Variants in NTRK2 observed in about 807,000 individuals in gnomAD.
NTRK2 encodes neurotrophic receptor tyrosine kinase 2, also known as BDNF/NT-3 growth factors receptor.
In NTRK2, 13 loss-of-function variants were observed where a neutral mutation model predicts 94.5. The observed-to-expected ratio is 0.14, with a 90% CI of 0.09 to 0.22. The LOEUF (loss-of-function observed/expected upper bound fraction) is 0.22, where lower values mean the gene tolerates loss of function less well. NTRK2 is among the 10% of genes least tolerant of loss of function. The pLI is 1.00. For synonymous variants in NTRK2, 372 were observed against 407.4 expected (o/e 0.91, Z 1.05); for missense variants, 639 against 1,071.2 (o/e 0.60, Z 5.63).
chr9:84,852,434 C>T (rs2074822250), intron 12 of NTRK2, among the ~76,000 whole-genome samples: 1 of 152,182 alleles, frequency 6.6e-6, no homozygotes, highest in Non-Finnish European at 1.5e-5. Flanking sequence ...GCATTTTGAG[C>T]TCTCACTGGG....
intron 17 of NTRK2, among the ~76,000 whole-genome samples, chr9:84,977,863 A>T (rs1462513833): frequency 6.6e-6 from 1 of 152,196 alleles, no homozygotes; most frequent in South Asian, 2.1e-4. Flanking sequence ...AACTCATGCA[A>T]AATCTCAAAC....
At chr9:84,814,379 T>A in intron 12 of NTRK2, 1 of 1,065,754 alleles carries the variant, frequency 9.4e-7, no homozygotes, top group South Asian at 4.5e-5. Flanking sequence ...GAGAGCATAA[T>A]GGAGGGAAGC....
chr9:84,760,461 G>A (rs543987591), intron 12 of NTRK2, among the ~76,000 whole-genome samples: 16 of 152,230 alleles, frequency 1.1e-4, no homozygotes, highest in Admixed American at 2.0e-4. Flanking sequence ...GTGTTTCCAG[G>A]TTTATTAGTT....
chr9:84,885,311 C>A (rs2076379332), intron 14 of NTRK2, among the ~76,000 whole-genome samples: 1 of 152,182 alleles, frequency 6.6e-6, no homozygotes, highest in Non-Finnish European at 1.5e-5. Flanking sequence ...CTAAAAGAAT[C>A]AAGTGCTAAA....
At chr9:84,731,714 C>T (rs1183698324) in intron 9 of NTRK2, among the ~76,000 whole-genome samples, 1 of 152,008 alleles carries the variant, frequency 6.6e-6, no homozygotes, top group Admixed American at 6.6e-5. Flanking sequence ...TGGGGAAGTT[C>T]GACCTCAAGA....
At chr9:84,976,797 A>G (rs569521766) in intron 17 of NTRK2, among the ~76,000 whole-genome samples, 26 of 152,192 alleles carry the variant, frequency 1.7e-4, no homozygotes, top group Non-Finnish European at 3.5e-4. Flanking sequence ...ACTTTTGTCC[A>G]TTGTAAATGT....
chr9:84,793,772 A>G (rs2068974807), intron 12 of NTRK2, among the ~76,000 whole-genome samples: 1 of 152,230 alleles, frequency 6.6e-6, no homozygotes, highest in Non-Finnish European at 1.5e-5. Flanking sequence ...AGAAATGACT[A>G]TAAGACAGGG....
intron 12 of NTRK2, among the ~76,000 whole-genome samples, chr9:84,849,275 C>T (rs2074631596): frequency 6.6e-6 from 1 of 152,156 alleles, no homozygotes; most frequent in African/African-American, 2.4e-5. Context: ...TCATAGTTCA[C>T]TGTGGCAGGA....
intron 13 of NTRK2, 141 bp downstream of exon 13, chr9:84,861,228 G>A (rs2075325615): frequency 1.5e-6 from 1 of 687,456 alleles, no homozygotes; most frequent in East Asian, 2.8e-5. Context: ...TGAAGAAGTA[G>A]GTCTAGAATT....
chr9:84,935,851 G>C lies in NTRK2; in HGVS notation c.1764+1559G>C, dbSNP rs77824302. On this transcript the variant is annotated intron_variant, in intron 15 of 18. Coordinates refer to ENST00000277120, the MANE Select transcript of NTRK2 (RefSeq NM_006180.6). ...CTGCAGTCTCTGTTTTCTTCTTACT[G>C]TATCTTTTTTTTCCCCCTTTTGGTT... Among the ~76,000 whole-genome samples, 202 of 152,252 alleles carry C rather than the reference G, an allele frequency of 1.3e-3. 2 individuals carry two copies. Among genetic ancestry groups the C allele is most frequent in the African/African-American group, 4.8e-3 (200 of 41,570 alleles).
chr9:84,722,459 G>C (rs965512836), intron 6 of NTRK2, among the ~76,000 whole-genome samples: 12 of 152,046 alleles, frequency 7.9e-5, no homozygotes, highest in African/African-American at 2.9e-4. Flanking sequence ...CAGGTGGGTG[G>C]GTTAATTGCA....
At chr9:84,939,690 T>C (rs12348710) in intron 15 of NTRK2, among the ~76,000 whole-genome samples, 19,182 of 152,152 alleles carry the variant, frequency 0.13, 1,434 homozygotes, top group East Asian at 0.23. Flanking sequence ...AACAATATCA[T>C]GTTCACTGGA....
At chr9:84,975,836 A>G (rs1367366655) in intron 17 of NTRK2, among the ~76,000 whole-genome samples, 1 of 152,188 alleles carries the variant, frequency 6.6e-6, no homozygotes, top group Non-Finnish European at 1.5e-5. Context: ...TGTGAATACA[A>G]TAGAAACAGA....
chr9:84,997,682 C>G (rs1454916745), intron 17 of NTRK2, among the ~76,000 whole-genome samples: 1 of 152,156 alleles, frequency 6.6e-6, no homozygotes, highest in African/African-American at 2.4e-5. Context: ...GTCAGCCTGC[C>G]ATGGAGGCTG....
rs527553397 is a variant in NTRK2, at chr9:84,970,112, C to T, written c.2172+14595C>T. 8.4e-4 allele frequency among the ~76,000 whole-genome samples: 128 copies of T among 152,256 alleles called. 1 individual carries two copies. The highest frequency in any genetic ancestry group is 3.0e-3 in the African/African-American group (123 of 41,550). ...AACTTTTAAATGGCAATAATAGGGC[C>T]GGGCATGGTGGTTCATGCCTGTAAT... is the stretch of plus-strand genomic sequence containing the variant. On this transcript the variant is annotated intron_variant, in intron 17 of 18. Transcript: ENST00000277120.
chr9:84,881,876 G>A (rs79719907), intron 14 of NTRK2, among the ~76,000 whole-genome samples: 3,525 of 152,256 alleles, frequency 0.023, 135 homozygotes, highest in African/African-American at 0.079. Flanking sequence ...GTATGCTAAA[G>A]CTTTATGTTT....
At chr9:84,990,768 A>G (rs772021563) in intron 17 of NTRK2, among the ~76,000 whole-genome samples, 1 of 152,180 alleles carries the variant, frequency 6.6e-6, no homozygotes, top group Non-Finnish European at 1.5e-5. Context: ...ATGACGCAAG[A>G]AGCACTGCCC....
chr9:84,977,514 A>ATT (rs1234707024), intron 17 of NTRK2, among the ~76,000 whole-genome samples: 1 of 152,222 alleles, frequency 6.6e-6, no homozygotes, highest in African/African-American at 2.4e-5. Context: ...GACAACTCAA[A>ATT]TATTTTTGCT....
intron 11 of NTRK2, among the ~76,000 whole-genome samples, chr9:84,750,742 A>G (rs2064520004): frequency 6.6e-6 from 1 of 152,094 alleles, no homozygotes; most frequent in South Asian, 2.1e-4. Flanking sequence ...AAGTTTGCCA[A>G]CTCCTGGTTT....
Sources: gnomAD v4.1 joint callset for allele counts (sites outside exome capture counted in the v4.1 genomes callset) on GRCh38, gnomAD v4.1.1 for gene constraint, MANE v1.5 for transcripts, NCBI Gene and HGNC (gene_info 2026-07-23, HGNC 2026-07-21) for gene names.